Variants in ZBTB49 observed in about 807,000 individuals in gnomAD.
The protein encoded by ZBTB49 is zinc finger and BTB domain-containing protein 49.
In ZBTB49, 43 loss-of-function variants were observed where a neutral mutation model predicts 57.5. The ratio of observed to expected loss-of-function variants is 0.75; its 90% CI spans 0.59 to 0.97. The LOEUF is 0.97. Ranked by LOEUF, ZBTB49 falls within the 50% of genes least tolerant of loss-of-function variation. The pLI is 0.00. For missense variants in ZBTB49, 938 were observed against 947.7 expected (o/e 0.99, Z 0.13); for synonymous variants, 369 against 362.1 (o/e 1.02, Z -0.22).
chr4:4,300,313 A>G (rs192270135), intron 2 of ZBTB49, among the ~76,000 whole-genome samples: 32 of 152,266 alleles, frequency 2.1e-4, no homozygotes, highest in African/African-American at 7.7e-4. Flanking sequence ...AGAGGCTCTT[A>G]AGTAAAATGA....
chr4:4,320,087 C>T (rs1177792143), intron 7 of ZBTB49, among the ~76,000 whole-genome samples: 2 of 151,982 alleles, frequency 1.3e-5, no homozygotes, highest in African/African-American at 4.8e-5. Context: ...TACACAAACA[C>T]CTTTAGAAAA....
intron 4 of ZBTB49, among the ~76,000 whole-genome samples, chr4:4,311,933 A>AT (rs11417287): frequency 0.73 from 111,725 of 152,104 alleles, 42,279 homozygotes; most frequent in Non-Finnish European, 0.81. Flanking sequence ...CGCAGATGGC[A>AT]TTTTTAATAC....
intron 1 of ZBTB49, among the ~76,000 whole-genome samples, chr4:4,296,961 T>C (rs1720232157): frequency 6.6e-6 from 1 of 152,200 alleles, no homozygotes; most frequent in South Asian, 2.1e-4. Context: ...TTTCATCCCA[T>C]GAAGCCTAAG....
At chr4:4,319,464 C>A (rs1721318937) in intron 7 of ZBTB49, among the ~76,000 whole-genome samples, 2 of 152,182 alleles carry the variant, frequency 1.3e-5, no homozygotes, top group South Asian at 4.1e-4. Flanking sequence ...GATCCCTTAC[C>A]TTTACCATAT....
chr4:4,299,338 T>C (rs1720368782), intron 1 of ZBTB49, among the ~76,000 whole-genome samples: 1 of 152,198 alleles, frequency 6.6e-6, no homozygotes, highest in African/African-American at 2.4e-5. Context: ...ATGTCTCTTA[T>C]ATCATTGTCT....
intron 1 of ZBTB49, among the ~76,000 whole-genome samples, chr4:4,299,003 G>A (rs567367556): frequency 6.6e-6 from 1 of 152,334 alleles, no homozygotes; most frequent in South Asian, 2.1e-4. Flanking sequence ...CTGGCACACA[G>A]TAGTCAGTTG....
At chr4:4,319,284 G>T (rs534631244) in intron 7 of ZBTB49, among the ~76,000 whole-genome samples, 1 of 152,230 alleles carries the variant, frequency 6.6e-6, no homozygotes, top group African/African-American at 2.4e-5. Context: ...AAAAAAAATA[G>T]CCTAGCCATT....
At position 4,302,922 on chromosome 4, in the gene ZBTB49, C is replaced by A. The variant is rs1340631202; in HGVS notation, c.1086C>A (p.Val362=). The A allele has an allele frequency of 6.2e-7, 1 of 1,614,068 alleles. No individual in the cohort carries two copies. Among genetic ancestry groups the A allele is most frequent in the East Asian group, 2.2e-5 (1 of 44,904 alleles). The stretch of plus-strand genomic sequence containing the variant: ...AAGAAAAAGAAAGTGAAGAAGTCGT[C>A]AGTTGTGAGAATTTTAATTGCATTA... ...SAEEKESEEV[V]SCENFNCISE... Residue 362 remains valine, a synonymous_variant, in exon 3 of 8, where the codon GTC becomes GTA. Coordinates refer to ENST00000337872, the MANE Select transcript of ZBTB49 (RefSeq NM_145291.4).
At chr4:4,317,219 C>G (rs1721227951) in intron 7 of ZBTB49, among the ~76,000 whole-genome samples, 1 of 152,202 alleles carries the variant, frequency 6.6e-6, no homozygotes, top group African/African-American at 2.4e-5. Flanking sequence ...TCTGCCCTTT[C>G]CCTGCCTCAC....
chr4:4,306,260 T>G, intron 4 of ZBTB49, 76 bp downstream of exon 4: 1 of 1,287,474 alleles, frequency 7.8e-7, no homozygotes, highest in Non-Finnish European at 1.1e-6. Context: ...TAAGACATAC[T>G]TTTGTACTTG....
chr4:4,290,616 G>C (rs1425340635), intron 1 of ZBTB49, among the ~76,000 whole-genome samples: 2 of 152,334 alleles, frequency 1.3e-5, no homozygotes, highest in East Asian at 3.9e-4. Flanking sequence ...CCTTCTCCCT[G>C]GTGCAGCTTC....
At chr4:4,315,488 A>G in intron 5 of ZBTB49, 148 bp from the exon 6 acceptor site, 2 of 728,614 alleles carry the variant, frequency 2.7e-6, no homozygotes, top group Non-Finnish European at 4.5e-6. Context: ...GGTTTTTTCC[A>G]TGCACGTTTC....
chr4:4,320,167 T>C (rs1263146580), intron 7 of ZBTB49, among the ~76,000 whole-genome samples: 1 of 152,248 alleles, frequency 6.6e-6, no homozygotes, highest in African/African-American at 2.4e-5. Flanking sequence ...AGGAGAGCTG[T>C]GGTTTCTCAG....
chr4:4,291,820 G>A (rs958832710), intron 1 of ZBTB49, among the ~76,000 whole-genome samples: 1 of 152,160 alleles, frequency 6.6e-6, no homozygotes, highest in Non-Finnish European at 1.5e-5. Context: ...ATTAATTTCT[G>A]CTTCCTCCAT....
At position 4,308,402 on chromosome 4, in the gene ZBTB49, G is replaced by A. The variant is rs114424435; in HGVS notation, c.1302+2218G>A. ...ACGTATCAGTATTTTTAAAAATTCA[G>A]CAATTTTGGTGTGCAGCCAAGGTTG... On this transcript the variant is annotated intron_variant, in intron 4 of 7. Coordinates refer to ENST00000337872, the MANE Select transcript of ZBTB49 (RefSeq NM_145291.4). Among the ~76,000 whole-genome samples, 764 of 152,250 alleles carry A rather than the reference G, an allele frequency of 5.0e-3. 6 individuals carry two copies. Among genetic ancestry groups the A allele is most frequent in the African/African-American group, 0.018 (738 of 41,534 alleles).
In ZBTB49 at chr4:4,303,728, C is replaced by CTT. The variant is rs1720607985; in HGVS notation, c.1255+638_1255+639insTT. On this transcript the variant is annotated intron_variant, in intron 3 of 7. Coordinates refer to ENST00000337872, the MANE Select transcript of ZBTB49 (RefSeq NM_145291.4). ...TCCCAAAAGATTTTTTTAAGGTATT[C>CTT]TCTCTCTCTCTCTCTCTCTCTCTCT... Among the ~76,000 whole-genome samples the CTT allele has an allele frequency of 1.5e-4, 6 of 40,014 alleles. No homozygotes were observed. In the Admixed American group the frequency reaches 2.0e-3, roughly 13 times the overall value. 26.3% of individuals were successfully genotyped at this position (40,014 alleles called of 152,430 possible).
At chr4:4,310,529 A>C (rs1250434225) in intron 4 of ZBTB49, among the ~76,000 whole-genome samples, 2 of 79,146 alleles carry the variant, frequency 2.5e-5, no homozygotes, top group Non-Finnish European at 6.1e-5. Context: ...TTTTTTTTTG[A>C]GATGGAGTCT....
At chr4:4,305,849 C>G (rs1439813124) in intron 3 of ZBTB49, among the ~76,000 whole-genome samples, 1 of 152,192 alleles carries the variant, frequency 6.6e-6, no homozygotes, top group Admixed American at 6.5e-5. Context: ...CAGGAAAAGA[C>G]CACTTCCAGA....
At position 4,321,564 on chromosome 4, in the gene ZBTB49, G is replaced by C. The variant is rs1448939284; in HGVS notation, c.*248G>C. On this transcript the variant is annotated 3_prime_UTR_variant, in exon 8 of 8. Transcript: ENST00000337872. ...GTCACAGAAGCGAAGGCTTGATGCTGTCTCAGCAGCCTCAGCTGTGGGGGG... is the reference window on the plus strand; with the variant it reads ...GTCACAGAAGCGAAGGCTTGATGCTCTCTCAGCAGCCTCAGCTGTGGGGGG... 2 of 541,504 alleles carry C rather than the reference G, an allele frequency of 3.7e-6. No homozygotes were observed. The highest frequency in any genetic ancestry group is 6.5e-6 in the Non-Finnish European group (2 of 306,632). The allele number at this position is 541,504 out of a possible 1,614,324, so 33.5% of individuals were successfully genotyped here.
Sources: allele counts gnomAD v4.1 joint callset (sites outside exome capture counted in the v4.1 genomes callset), GRCh38; gene constraint gnomAD v4.1.1; transcripts MANE v1.5; gene names NCBI Gene and HGNC (gene_info 2026-07-23, HGNC 2026-07-21).